The following ELMO2 variants were observed in gnomAD, a reference collection of about 807,000 sequenced individuals.
ELMO2 encodes the protein engulfment and cell motility protein 2.
A neutral mutation model predicts 96.2 loss-of-function variants in ELMO2; 37 were observed. That is an observed-to-expected ratio of 0.38 (90% CI 0.30 to 0.51). The LOEUF (loss-of-function observed/expected upper bound fraction) is 0.51. Among genes scored for constraint, ELMO2 ranks in the 20% least tolerant of loss-of-function variants. The probability of loss-of-function intolerance (pLI) is 0.88; values close to 1 mark genes in which losing one functional copy is unlikely to be tolerated. For synonymous variants in ELMO2, 315 were observed against 329.4 expected (o/e 0.96, Z 0.47); for missense variants, 561 against 912.6 (o/e 0.61, Z 4.96).
chr20:46,370,409 T>C (rs781209102), intron 20 of ELMO2, 34 bp downstream of exon 20: 2 of 1,594,484 alleles, frequency 1.3e-6, no homozygotes, highest in African/African-American at 1.3e-5. Context: ...CAAGTATCAC[T>C]GGGCCAGCTA....
chr20:46,374,068 A>AGG (rs1361272931), intron 15 of ELMO2, among the ~76,000 whole-genome samples: 2 of 144,094 alleles, frequency 1.4e-5, no homozygotes, highest in Non-Finnish European at 3.0e-5. Flanking sequence ...TTGGGACCAG[A>AGG]GGCATGCACT....
At chr20:46,401,284 G>C (rs1230253579) in intron 1 of ELMO2, among the ~76,000 whole-genome samples, 2 of 152,200 alleles carry the variant, frequency 1.3e-5, no homozygotes, top group Admixed American at 1.3e-4. Flanking sequence ...GAAAAGGGAG[G>C]ATTTGACTGG....
chr20:46,381,608 G>A (rs1307726419), intron 10 of ELMO2, among the ~76,000 whole-genome samples: 1 of 152,194 alleles, frequency 6.6e-6, no homozygotes, highest in African/African-American at 2.4e-5. Flanking sequence ...AAATCTTGCT[G>A]TGGACAACTC....
chr20:46,375,054 C>T lies in ELMO2; in HGVS notation c.1065+182G>A, dbSNP rs755372425. On this transcript the variant is annotated intron_variant, in intron 13 of 21. Transcript: ENST00000290246. This position sits in a 1 kb window ranked among gnomAD's most constrained non-coding sequence, Gnocchi z 4.6. ...ATTCGTTTCACAGGGCCAAACTTTG[C>T]ACATAAACTCACAGACTCACCATCA... 5.7e-4 allele frequency among the ~76,000 whole-genome samples: 87 copies of T among 152,232 alleles called. 2 individuals are homozygous for T. The highest frequency in any genetic ancestry group is 3.4e-4 in the Non-Finnish European group (23 of 68,006).
Position 46,371,917 on chromosome 20 carries a change from T to G in ELMO2, c.1469A>C (p.Asn490Thr). 1 of 1,613,750 alleles carries G rather than the reference T, an allele frequency of 6.2e-7. No homozygotes were observed. Among genetic ancestry groups the G allele is most frequent in the Non-Finnish European group, 8.5e-7 (1 of 1,179,944 alleles). The change falls in exon 17 of 22, where the codon AAC becomes ACC. Residue 490 changes from asparagine (N) to threonine (T), a missense_variant. Transcript: ENST00000290246. This position sits in a 1 kb window ranked among gnomAD's most constrained non-coding sequence, Gnocchi z 5.9. ...TTTGCTCTTGAACTGATCCAAAGAGTTGGGTTTGGAGGGCAAAGCTCGAGT... is the reference window on the plus strand; with the variant it reads ...TTTGCTCTTGAACTGATCCAAAGAGGTGGGTTTGGAGGGCAAAGCTCGAGT... ...QITRALPSKP[N>T]SLDQFKSKLR...
chr20:46,381,787 G>A (rs1249255040), intron 10 of ELMO2, among the ~76,000 whole-genome samples: 1 of 152,142 alleles, frequency 6.6e-6, no homozygotes, highest in Non-Finnish European at 1.5e-5. Context: ...CCCTTTTGTC[G>A]ATTGTCTAAA....
At chr20:46,369,964 GTGTGTGT>G (rs1568745145) in intron 20 of ELMO2, 3 of 5,424 alleles carry the variant, frequency 5.5e-4, no homozygotes, top group African/African-American at 6.3e-4. Context: ...GTATGGGGGT[GTGTGTGT>G]GTGTGTGTGT....
At chr20:46,380,005 A>G (rs1276052040) in intron 11 of ELMO2, 1 of 355,056 alleles carries the variant, frequency 2.8e-6, no homozygotes, top group African/African-American at 2.1e-5. Flanking sequence ...GCAGGGCAAC[A>G]AACAGTAGAG....
At chr20:46,395,197 T>A (rs2060222650) in intron 2 of ELMO2, among the ~76,000 whole-genome samples, 1 of 152,082 alleles carries the variant, frequency 6.6e-6, no homozygotes, top group South Asian at 2.1e-4. Context: ...CAAGGGCCCC[T>A]CTTATAAGGA....
chr20:46,400,752 A>AG (rs1190308577), intron 1 of ELMO2, among the ~76,000 whole-genome samples: 1 of 152,250 alleles, frequency 6.6e-6, no homozygotes, highest in Non-Finnish European at 1.5e-5. Flanking sequence ...GGAAAAGTAG[A>AG]GAAAAATAGG....
chr20:46,380,298 C>T lies in ELMO2; in HGVS notation c.762G>A (p.Met254Ile), dbSNP rs745858689. The change falls in exon 11 of 22, where the codon ATG (methionine) becomes ATA (isoleucine). Residue 254 changes from methionine to isoleucine, a missense_variant. Coordinates refer to ENST00000290246, the MANE Select transcript of ELMO2 (RefSeq NM_133171.5). ...GATGCTTCTGTGCAAATGCATTTGC[C>T]ATATCCTGTGGAGGAAAATAAGCAA... ...LKAPEDKRQD[M>I]ANAFAQKHLR... The T allele has an allele frequency of 1.2e-6, 2 of 1,612,968 alleles. No homozygotes were observed. Among genetic ancestry groups the T allele is most frequent in the Non-Finnish European group, 1.7e-6 (2 of 1,179,164 alleles).
rs377573706 is a variant in ELMO2 at position 46,393,478 on chromosome 20, C to T, written c.192+51G>A. On this transcript the variant is annotated intron_variant, in intron 5 of 21. Transcript: ENST00000290246. ...GATAAATAGTGCCGTCTCCTTGGGT[C>T]GTTTAATTCCAAGCAAGGCCCATAT... 1.4e-5 allele frequency: 22 copies of T among 1,584,762 alleles called. No homozygotes were observed. The East Asian group carries it at 2.2e-4, about 16-fold the overall frequency.
At position 46,367,265 on chromosome 20, in the gene ELMO2, A is replaced by C; in HGVS notation, c.*95T>G. 1 of 1,238,836 alleles carries C rather than the reference A, an allele frequency of 8.1e-7. No homozygotes were observed. The highest frequency in any genetic ancestry group is 1.1e-6 in the Non-Finnish European group (1 of 929,590). 76.7% of individuals were successfully genotyped at this position (1,238,836 alleles called of 1,614,324 possible). ...TTACTGGCCACCAAAATCACTACAG[A>C]TTCTGTACAAGCAAAAGACAAGGCA... On this transcript the variant is annotated 3_prime_UTR_variant, in exon 22 of 22. Transcript: ENST00000290246.
intron 10 of ELMO2, among the ~76,000 whole-genome samples, chr20:46,381,691 CA>C (rs1568763986): frequency 1.3e-5 from 2 of 152,170 alleles, no homozygotes; most frequent in African/African-American, 4.8e-5. Context: ...TCTGTGGTGT[CA>C]GGGGGAGGCA....
Position 46,371,661 on chromosome 20 carries a change from G to A in ELMO2, c.1611C>T (p.Ile537=). 3.7e-6 allele frequency: 6 copies of A among 1,613,768 alleles called. No homozygotes were observed. Among genetic ancestry groups the A allele is most frequent in the Non-Finnish European group, 5.1e-6 (6 of 1,180,002 alleles). The change falls in exon 18 of 22, where the codon ATC becomes ATT. Residue 537 remains isoleucine, a synonymous_variant. Coordinates refer to ENST00000290246, the MANE Select transcript of ELMO2 (RefSeq NM_133171.5). The surrounding 1 kb of genome is among the most constrained non-coding windows in gnomAD (Gnocchi z 5.9). The part of the protein sequence containing the change: ...VELREKIQPE[I]LELIKQQRLN... ...GGCGCTGCTGCTTGATCAGCTCAAGGATCTCGGGCTGGATCTTCTCCCTCA... is the reference window on the plus strand; with the variant it reads ...GGCGCTGCTGCTTGATCAGCTCAAGAATCTCGGGCTGGATCTTCTCCCTCA...
intron 10 of ELMO2, among the ~76,000 whole-genome samples, chr20:46,381,191 A>G (rs2059948705): frequency 6.6e-6 from 1 of 152,214 alleles, no homozygotes; most frequent in Non-Finnish European, 1.5e-5. Context: ...CTATTTTCCC[A>G]TAAACAAAAT....
At chr20:46,396,855 C>T (rs916119591) in intron 2 of ELMO2, among the ~76,000 whole-genome samples, 6 of 152,236 alleles carry the variant, frequency 3.9e-5, no homozygotes, top group Non-Finnish European at 8.8e-5. Flanking sequence ...GAGTGTAGAA[C>T]TAAAGCATGT....
chr20:46,380,267 A>C lies in ELMO2; in HGVS notation c.793T>G (p.Ser265Ala). ...ANAFAQKHLR[S>A]IILNHVIRGN... is the part of the protein sequence containing the mutation. ...CAGGAACTCACATTCAGGATTATAG[A>C]CCGGAGATGCTTCTGTGCAAATGCA... Residue 265 changes from serine (S) to alanine (A), a missense_variant, in exon 11 of 22, where the codon TCT becomes GCT. Transcript: ENST00000290246. 1 of 1,613,662 alleles carries C rather than the reference A, an allele frequency of 6.2e-7. No individual in the cohort carries two copies. The highest frequency in any genetic ancestry group is 8.5e-7 in the Non-Finnish European group (1 of 1,179,602).
Position 46,371,915 on chromosome 20 carries a change from A to C in ELMO2, c.1471T>G (p.Ser491Ala). 1.9e-6 allele frequency: 3 copies of C among 1,614,146 alleles called. No individual in the cohort carries two copies. Among genetic ancestry groups the C allele is most frequent in the Non-Finnish European group, 2.5e-6 (3 of 1,180,024 alleles). ...ITRALPSKPN[S>A]LDQFKSKLRS... Reference sequence around the variant, plus strand: ...AATTTGCTCTTGAACTGATCCAAAGAGTTGGGTTTGGAGGGCAAAGCTCGA... The same window carrying C: ...AATTTGCTCTTGAACTGATCCAAAGCGTTGGGTTTGGAGGGCAAAGCTCGA... The change falls in exon 17 of 22, where the codon TCT becomes GCT. Residue 491 changes from serine to alanine, a missense_variant. Coordinates refer to ENST00000290246, the MANE Select transcript of ELMO2 (RefSeq NM_133171.5). The surrounding 1 kb of genome is among the most constrained non-coding windows in gnomAD (Gnocchi z 5.9).
Sources: allele counts gnomAD v4.1 joint callset (sites outside exome capture counted in the v4.1 genomes callset), GRCh38; gene constraint gnomAD v4.1.1; non-coding constraint Gnocchi (gnomAD v3.1); transcripts MANE v1.5; gene names NCBI Gene and HGNC (gene_info 2026-07-23, HGNC 2026-07-21).